LCMT1: variants seen among roughly 807,000 people sequenced by gnomAD.
The protein encoded by LCMT1 is [Phosphatase 2A protein]-leucine-carboxy methyltransferase 1.
A neutral mutation model predicts 47.7 loss-of-function variants in LCMT1; 32 were observed. That is an observed-to-expected ratio of 0.67 (90% CI 0.51 to 0.90). The LOEUF (loss-of-function observed/expected upper bound fraction) is 0.90, where lower values mean the gene tolerates loss of function less well. Ranked by LOEUF, LCMT1 falls within the 40% of genes least tolerant of loss-of-function variation. The probability of loss-of-function intolerance (pLI) is 0.00; values close to 1 mark genes in which losing one functional copy is unlikely to be tolerated. For synonymous variants in LCMT1, 152 were observed against 149.7 expected (o/e 1.02, Z -0.11); for missense variants, 375 against 415.2 (o/e 0.90, Z 0.84).
chr16:25,130,625 G>A (rs1339962836), intron 2 of LCMT1, among the ~76,000 whole-genome samples: 1 of 152,122 alleles, frequency 6.6e-6, no homozygotes, highest in African/African-American at 2.4e-5. Context: ...TATCCTGGGT[G>A]ACAGAGCGAG....
At chr16:25,172,485 A>G (rs544367604) in intron 9 of LCMT1, among the ~76,000 whole-genome samples, 21 of 152,368 alleles carry the variant, frequency 1.4e-4, no homozygotes, top group African/African-American at 5.0e-4. Context: ...AACATCACCA[A>G]CGTGCATCTG....
At chr16:25,128,747 T>C (rs1960264498) in intron 2 of LCMT1, among the ~76,000 whole-genome samples, 181 bp downstream of exon 2, 1 of 151,744 alleles carries the variant, frequency 6.6e-6, no homozygotes, top group Admixed American at 6.6e-5. Flanking sequence ...AGGAATGAGA[T>C]CATGTCCTTT....
intron 6 of LCMT1, among the ~76,000 whole-genome samples, chr16:25,162,831 T>C (rs961734676): frequency 6.6e-6 from 1 of 152,148 alleles, no homozygotes; most frequent in Non-Finnish European, 1.5e-5. Flanking sequence ...TTTGTAAATA[T>C]ATGTTTTTCT....
At chr16:25,159,717 T>C (rs550880691) in intron 5 of LCMT1, among the ~76,000 whole-genome samples, 82 of 152,250 alleles carry the variant, frequency 5.4e-4, no homozygotes, top group African/African-American at 1.9e-3. Context: ...TGTATTTGAA[T>C]CAGCCAAGTG....
At chr16:25,165,047 G>C (rs1961545248) in intron 7 of LCMT1, among the ~76,000 whole-genome samples, 1 of 152,140 alleles carries the variant, frequency 6.6e-6, no homozygotes, top group Admixed American at 6.5e-5. Context: ...ATGCTGTCAG[G>C]GACAGGCAGG....
At chr16:25,155,426 A>T (rs1597592915) in intron 5 of LCMT1, among the ~76,000 whole-genome samples, 2 of 152,076 alleles carry the variant, frequency 1.3e-5, no homozygotes, top group South Asian at 2.1e-4. Context: ...GCACGCCTAT[A>T]GTCCTAGCTA....
At chr16:25,160,880 A>G (rs540135109) in intron 5 of LCMT1, 3 of 635,548 alleles carry the variant, frequency 4.7e-6, no homozygotes, top group East Asian at 3.1e-5. Flanking sequence ...TGTTGTGTAT[A>G]ATAACTTAAG....
chr16:25,116,759 G>A (rs180797859), intron 1 of LCMT1, among the ~76,000 whole-genome samples: 5 of 151,762 alleles, frequency 3.3e-5, no homozygotes, highest in South Asian at 2.1e-4. Flanking sequence ...CCAGTGTCGC[G>A]GTGCATGCCA....
At chr16:25,121,752 G>A (rs1256766321) in intron 1 of LCMT1, among the ~76,000 whole-genome samples, 1 of 152,086 alleles carries the variant, frequency 6.6e-6, no homozygotes, top group Non-Finnish European at 1.5e-5. Context: ...AACAGCATGG[G>A]GGAAACAGCC....
intron 5 of LCMT1, among the ~76,000 whole-genome samples, chr16:25,156,156 T>A (rs1177672215): frequency 6.6e-6 from 1 of 152,290 alleles, no homozygotes; most frequent in East Asian, 1.9e-4. Context: ...CCTCCCTGAC[T>A]ACGAGGTTAA....
chr16:25,124,602 C>T (rs373308534), intron 1 of LCMT1, among the ~76,000 whole-genome samples: 1 of 152,182 alleles, frequency 6.6e-6, no homozygotes. Flanking sequence ...AATGAGGCAC[C>T]AGGCTTGATC....
intron 1 of LCMT1, among the ~76,000 whole-genome samples, chr16:25,120,456 G>A (rs755513610): frequency 4.1e-4 from 58 of 143,118 alleles, no homozygotes; most frequent in African/African-American, 1.4e-3. Flanking sequence ...ACAGAGTCTC[G>A]CTCTGTCACC....
At chr16:25,169,055 A>T (rs1567328496) in intron 7 of LCMT1, 57 bp from the exon 8 acceptor site, 7 of 1,209,494 alleles carry the variant, frequency 5.8e-6, no homozygotes, top group Non-Finnish European at 7.3e-6. Flanking sequence ...ATGATGTTTT[A>T]TTTTGCATAT....
At chr16:25,162,599 A>G (rs910680470) in intron 6 of LCMT1, among the ~76,000 whole-genome samples, 13 of 151,286 alleles carry the variant, frequency 8.6e-5, no homozygotes, top group South Asian at 2.1e-4. Context: ...AAAAAAAAAA[A>G]AAAAGAAAAG....
chr16:25,124,357 A>T (rs954339379), intron 1 of LCMT1, among the ~76,000 whole-genome samples: 1 of 152,354 alleles, frequency 6.6e-6, no homozygotes, highest in African/African-American at 2.4e-5. Context: ...ACAAGTGTGT[A>T]TGGGGGGCAG....
At position 25,111,883 on chromosome 16, in the gene LCMT1, C is replaced by T. The variant is rs557092273; in HGVS notation, c.-1C>T. On this transcript the variant is annotated 5_prime_UTR_variant, in exon 1 of 11. Coordinates refer to ENST00000399069, the MANE Select transcript of LCMT1 (RefSeq NM_016309.3). The stretch of plus-strand genomic sequence containing the variant: ...CACAGCTCCCAGGAACCTCCACGCC[C>T]ATGGCCACTAGGCAGAGGGAATCCT... 1.2e-6 allele frequency: 2 copies of T among 1,608,318 alleles called. No homozygotes were observed. Among genetic ancestry groups the T allele is most frequent in the South Asian group, 2.2e-5 (2 of 90,848 alleles).
intron 10 of LCMT1, among the ~76,000 whole-genome samples, chr16:25,177,114 A>T (rs1465939269): frequency 7.0e-6 from 1 of 143,826 alleles, no homozygotes; most frequent in East Asian, 2.0e-4. Context: ...CGGGAGGCAG[A>T]AGTTGCAGTG....
At chr16:25,124,698 T>C (rs1960106240) in intron 1 of LCMT1, among the ~76,000 whole-genome samples, 1 of 152,318 alleles carries the variant, frequency 6.6e-6, no homozygotes, top group African/African-American at 2.4e-5. Flanking sequence ...ATTTCACACC[T>C]TTCAGAAGAA....
At chr16:25,131,021 G>A (rs1377620550) in intron 2 of LCMT1, among the ~76,000 whole-genome samples, 1 of 152,192 alleles carries the variant, frequency 6.6e-6, no homozygotes, top group Non-Finnish European at 1.5e-5. Flanking sequence ...TAGTGTTAAT[G>A]ACACTATTAG....
Sources: gnomAD v4.1 joint callset for allele counts (sites outside exome capture counted in the v4.1 genomes callset) on GRCh38, gnomAD v4.1.1 for gene constraint, MANE v1.5 for transcripts, NCBI Gene and HGNC (gene_info 2026-07-23, HGNC 2026-07-21) for gene names.